The following AURKB variants were observed in gnomAD, a reference collection of about 807,000 sequenced individuals.
AURKB encodes the protein aurora kinase B-Sv1.
AURKB carries 28 observed loss-of-function variants against 36.5 expected under a neutral mutation model. The ratio of observed to expected loss-of-function variants is 0.77; its 90% confidence interval spans 0.57 to 1.05. The LOEUF is 1.05. Ranked by LOEUF, AURKB falls within the 50% of genes least tolerant of loss-of-function variation. The pLI is 0.00. For synonymous variants in AURKB, 175 were observed against 172.9 expected (o/e 1.01, Z -0.09); for missense variants, 383 against 447.4 (o/e 0.86, Z 1.30).
At chr17:8,205,641 T>C (rs185996255) in intron 7 of AURKB, among the ~76,000 whole-genome samples, 25 of 152,302 alleles carry the variant, frequency 1.6e-4, no homozygotes, top group African/African-American at 5.3e-4. Flanking sequence ...ATGAGGGCAG[T>C]GTTCATTTGG....
rs879101563 is a variant in AURKB at position 8,206,397 on chromosome 17, C to T, written c.686+94G>A. 1.4e-4 allele frequency: 210 copies of T among 1,504,080 alleles called. 1 individual carries two copies. The South Asian group carries it at 1.8e-3, about 13-fold the overall frequency. 93.2% of individuals were successfully genotyped at this position (1,504,080 alleles called of 1,614,324 possible). On this transcript the variant is annotated intron_variant, in intron 7 of 8. Coordinates refer to ENST00000585124, the MANE Select transcript of AURKB (RefSeq NM_004217.4). This position sits in a 1 kb window ranked among gnomAD's most constrained non-coding sequence, Gnocchi z 4.2. ...CCGCCCTCCTCGGCCTCCCAAAGTG[C>T]TGGGATTACAGGTGTGAGCCACGGT... is the stretch of plus-strand genomic sequence containing the variant.
rs1480584964 is a variant in AURKB at position 8,206,110 on chromosome 17, A to G, written c.686+381T>C. 6.8e-6 allele frequency among the ~76,000 whole-genome samples: 1 copy of G among 147,954 alleles called. No individual in the cohort carries two copies. Among genetic ancestry groups the G allele is most frequent in the Non-Finnish European group, 1.5e-5 (1 of 67,280 alleles). ...GGATCAAACCTGCGACCTTGGGGTT[A>G]TTAGCACCACACTCTAACCATTTTT... On this transcript the variant is annotated intron_variant, in intron 7 of 8. Coordinates refer to ENST00000585124, the MANE Select transcript of AURKB (RefSeq NM_004217.4). This position sits in a 1 kb window ranked among gnomAD's most constrained non-coding sequence, Gnocchi z 4.2.
At position 8,207,840 on chromosome 17, in the gene AURKB, C is replaced by G; in HGVS notation, c.49G>C (p.Ala17Pro). The change falls in exon 3 of 9, where the codon GCT becomes CCT. Residue 17 changes from alanine (A) to proline (P), a missense_variant and splice_region_variant. Around this residue, in one of 3 missense-constraint regions of AURKB, gnomAD observed 105 missense variants for 95.7 expected, o/e 1.10. Transcript: ENST00000585124. ...GGCAGGGTGCTCAGGCCAGATGGAG[C>G]CTGAGAAGGAGCAGGGGGTAGCTCT... is the stretch of plus-strand genomic sequence containing the variant. ...SYPWPYGRQT[A>P]PSGLSTLPQR... 1 of 1,610,908 alleles carries G rather than the reference C, an allele frequency of 6.2e-7. No homozygotes were observed. The highest frequency in any genetic ancestry group is 1.3e-5 in the African/African-American group (1 of 74,920).
rs554341452 is a variant in AURKB, at chr17:8,206,477, C to T, written c.686+14G>A. The T allele has an allele frequency of 6.2e-7, 1 of 1,613,978 alleles. No homozygotes were observed. The highest frequency in any genetic ancestry group is 1.1e-5 in the South Asian group (1 of 91,068). ...CAGCCTCACACCCAGGTCTGGCCTC[C>T]CAGGCCACCATACCTCAGGGAGGGC... On this transcript the variant is annotated intron_variant, in intron 7 of 8. Coordinates refer to ENST00000585124, the MANE Select transcript of AURKB (RefSeq NM_004217.4). This position sits in a 1 kb window ranked among gnomAD's most constrained non-coding sequence, Gnocchi z 4.2.
intron 2 of AURKB, 46 bp from the exon 3 acceptor site, chr17:8,207,886 A>T (rs1470037591): frequency 6.7e-7 from 1 of 1,489,812 alleles, no homozygotes; most frequent in Admixed American, 2.1e-5. Context: ...TTGTCTGATG[A>T]CCGGGGTGGA....
In AURKB at chr17:8,206,862, T is replaced by C. The variant is rs1482688018; in HGVS notation, c.425A>G (p.Asn142Ser). ...GATCCTCCTCCGGTCATAAAAATAG[T>C]TGTAGAGACGCAGGATGTTGGGATG... ...LHHPNILRLY[N>S]YFYDRRRIYL... Residue 142 changes from asparagine (N) to serine (S), a missense_variant, in exon 6 of 9, where the codon AAC (asparagine) becomes AGC (serine). Asn to Ser is a conservative substitution (Grantham distance 46). Transcript: ENST00000585124. This position sits in a 1 kb window ranked among gnomAD's most constrained non-coding sequence, Gnocchi z 4.2. 6 of 1,614,156 alleles carry C rather than the reference T, an allele frequency of 3.7e-6. No individual in the cohort carries two copies. The highest frequency in any genetic ancestry group is 5.1e-6 in the Non-Finnish European group (6 of 1,180,034).
Position 8,206,503 on chromosome 17 carries a change from G to A in AURKB, c.674C>T (p.Ala225Val), listed in dbSNP as rs766373871. 4 of 1,614,108 alleles carry A rather than the reference G, an allele frequency of 2.5e-6. No individual in the cohort carries two copies. The highest frequency in any genetic ancestry group is 1.7e-5 in the Admixed American group (1 of 60,018). ...KIADFGWSVH[A>V]PSLRRKTMCG... Reference sequence around the variant, plus strand: ...CAGGCCACCATACCTCAGGGAGGGCGCATGCACAGACCAGCCGAAGTCAGC... The same window carrying A: ...CAGGCCACCATACCTCAGGGAGGGCACATGCACAGACCAGCCGAAGTCAGC... Residue 225 changes from alanine to valine, a missense_variant, in exon 7 of 9, where the codon GCG becomes GTG. Ala to Val is a moderately conservative substitution (Grantham distance 64). Transcript: ENST00000585124. This position sits in a 1 kb window ranked among gnomAD's most constrained non-coding sequence, Gnocchi z 4.2.
Position 8,210,185 on chromosome 17 carries a change from G to T in AURKB, c.40C>A (p.Arg14=). Residue 14 remains arginine, a synonymous_variant, in exon 2 of 9, where the codon CGA becomes AGA. Coordinates refer to ENST00000585124, the MANE Select transcript of AURKB (RefSeq NM_004217.4). The stretch of plus-strand genomic sequence containing the variant: ...GGAGGGAAGGGCCTTACCGTCTGTC[G>T]GCCGTAGGGCCAGGGGTAGGAGTTC... The part of the protein sequence containing the change: ...KENSYPWPYG[R]QTAPSGLSTL... 6.2e-7 allele frequency: 1 copy of T among 1,612,332 alleles called. No homozygotes were observed. Among genetic ancestry groups the T allele is most frequent in the East Asian group, 2.2e-5 (1 of 44,844 alleles).
chr17:8,207,277 G>C lies in AURKB; in HGVS notation c.297C>G (p.Ser99Arg), dbSNP rs756093765. 13 of 1,614,002 alleles carry C rather than the reference G, an allele frequency of 8.1e-6. No homozygotes were observed. The highest frequency in any genetic ancestry group is 8.5e-7 in the Non-Finnish European group (1 of 1,180,028). ...GNVYLAREKK[S>R]HFIVALKVLF... is the part of the protein sequence containing the mutation. ...GGACCTTGAGCGCCACGATGAAATG[G>C]CTTTTCTTCTCCCGAGCCAAGTACA... Residue 99 changes from serine to arginine, a missense_variant, in exon 5 of 9, where the codon AGC (serine) becomes AGG (arginine). Coordinates refer to ENST00000585124, the MANE Select transcript of AURKB (RefSeq NM_004217.4).
chr17:8,207,772 A>G lies in AURKB; in HGVS notation c.117T>C (p.Leu39=), dbSNP rs2151474954. 6.2e-7 allele frequency: 1 copy of G among 1,614,132 alleles called. No individual in the cohort carries two copies. The highest frequency in any genetic ancestry group is 8.5e-7 in the Non-Finnish European group (1 of 1,180,018). ...LRKEPVTPSA[L]VLMSRSNVQP... ...GGACATTGGAGCGGCTCATGAGGAC[A>G]AGTGCAGATGGGGTGACAGGCTCTT... is the stretch of plus-strand genomic sequence containing the variant. The change falls in exon 3 of 9, where the codon CTT becomes CTC. Residue 39 remains leucine, a synonymous_variant. Coordinates refer to ENST00000585124, the MANE Select transcript of AURKB (RefSeq NM_004217.4).
rs1207114266 is a variant in AURKB at position 8,210,169 on chromosome 17, G to T, written c.48+8C>A. 6.2e-7 allele frequency: 1 copy of T among 1,612,900 alleles called. No individual in the cohort carries two copies. Among genetic ancestry groups the T allele is most frequent in the East Asian group, 2.2e-5 (1 of 44,868 alleles). On this transcript the variant is annotated splice_region_variant and intron_variant, in intron 2 of 8. Coordinates refer to ENST00000585124, the MANE Select transcript of AURKB (RefSeq NM_004217.4). ...ATGGGGGCGCAGGGACGGAGGGAAG[G>T]GCCTTACCGTCTGTCGGCCGTAGGG...
chr17:8,206,073 T>C lies in AURKB; in HGVS notation c.686+418A>G, dbSNP rs571246588. On this transcript the variant is annotated intron_variant, in intron 7 of 8. Coordinates refer to ENST00000585124, the MANE Select transcript of AURKB (RefSeq NM_004217.4). The surrounding 1 kb of genome is among the most constrained non-coding windows in gnomAD (Gnocchi z 4.2). ...CCGCGCCTGGCCAAAGTTTTACCATTGGCCCCTACAGGGATCAAACCTGCG... is the reference window on the plus strand; with the variant it reads ...CCGCGCCTGGCCAAAGTTTTACCATCGGCCCCTACAGGGATCAAACCTGCG... 1.4e-4 allele frequency among the ~76,000 whole-genome samples: 21 copies of C among 151,378 alleles called. 1 individual carries two copies. The highest frequency in any genetic ancestry group is 1.3e-3 in the Admixed American group (20 of 15,214).
rs1403376736 is a variant in AURKB at position 8,206,958 on chromosome 17, C to T, written c.399-70G>A. ...AGCTGGAAAAGATGATAGGAGCAAACTGGGGTCAGACGTGGCCCAGGCCGG... is the reference window on the plus strand; with the variant it reads ...AGCTGGAAAAGATGATAGGAGCAAATTGGGGTCAGACGTGGCCCAGGCCGG... On this transcript the variant is annotated intron_variant, in intron 5 of 8. Coordinates refer to ENST00000585124, the MANE Select transcript of AURKB (RefSeq NM_004217.4). The surrounding 1 kb of genome is among the most constrained non-coding windows in gnomAD (Gnocchi z 4.2). The T allele has an allele frequency of 6.2e-7, 1 of 1,607,392 alleles. No individual in the cohort carries two copies. Among genetic ancestry groups the T allele is most frequent in the South Asian group, 1.1e-5 (1 of 90,630 alleles).
chr17:8,206,561 G>C lies in AURKB; in HGVS notation c.616C>G (p.Leu206Val). The C allele has an allele frequency of 7.4e-6, 12 of 1,614,224 alleles. No homozygotes were observed. Among genetic ancestry groups the C allele is most frequent in the Non-Finnish European group, 1.0e-5 (12 of 1,180,048 alleles). ...AGCTCTCCCTTGAGCCCTAAGAGCAGATTTTCTGGCTTTATGTCTCTGTGA... is the reference window on the plus strand; with the variant it reads ...AGCTCTCCCTTGAGCCCTAAGAGCACATTTTCTGGCTTTATGTCTCTGTGA... ...VIHRDIKPENLLLGLKGELKI... is the reference protein window; with the variant it reads ...VIHRDIKPENVLLGLKGELKI... The change falls in exon 7 of 9, where the codon CTG (leucine) becomes GTG (valine). Residue 206 changes from leucine to valine, a missense_variant. Leu to Val is a conservative substitution (Grantham distance 32, BLOSUM62 1). Coordinates refer to ENST00000585124, the MANE Select transcript of AURKB (RefSeq NM_004217.4). This position sits in a 1 kb window ranked among gnomAD's most constrained non-coding sequence, Gnocchi z 4.2.
rs1364801008 is a variant in AURKB at position 8,206,471 on chromosome 17, G to C, written c.686+20C>G. 1 of 1,613,680 alleles carries C rather than the reference G, an allele frequency of 6.2e-7. No homozygotes were observed. The highest frequency in any genetic ancestry group is 8.5e-7 in the Non-Finnish European group (1 of 1,179,912). On this transcript the variant is annotated intron_variant, in intron 7 of 8. Coordinates refer to ENST00000585124, the MANE Select transcript of AURKB (RefSeq NM_004217.4). This position sits in a 1 kb window ranked among gnomAD's most constrained non-coding sequence, Gnocchi z 4.2. The stretch of plus-strand genomic sequence containing the variant: ...ATGGCCCAGCCTCACACCCAGGTCT[G>C]GCCTCCCAGGCCACCATACCTCAGG...
chr17:8,210,368 C>G, intron 1 of AURKB, 119 bp from the exon 2 acceptor site: 1 of 737,194 alleles, frequency 1.4e-6, no homozygotes, highest in Non-Finnish European at 2.3e-6. Flanking sequence ...GGTCAGCACA[C>G]TAGCCCCAAT....
rs1985055077 is a variant in AURKB at position 8,205,151 on chromosome 17, G to A, written c.861+65C>T. 1.2e-5 allele frequency: 19 copies of A among 1,554,970 alleles called. No homozygotes were observed. In the South Asian group the frequency reaches 2.2e-4, roughly 18 times the overall value. ...ACTTAGGGCCATGCAAATACACTCT[G>A]CCCACCCCCAGCCCCCCAGCTCCTG... is the stretch of plus-strand genomic sequence containing the variant. On this transcript the variant is annotated intron_variant, in intron 8 of 8. Transcript: ENST00000585124.
In AURKB at chr17:8,210,199, G is replaced by A. The variant is rs148452780; in HGVS notation, c.26C>T (p.Pro9Leu). The change falls in exon 2 of 9, where the codon CCC becomes CTC. Residue 9 changes from proline to leucine, a missense_variant. Physicochemically the swap from Pro to Leu is moderately conservative, Grantham distance 98. Transcript: ENST00000585124. ...TACCGTCTGTCGGCCGTAGGGCCAG[G>A]GGTAGGAGTTCTCCTTCTGGGCCAT... MAQKENSY[P>L]WPYGRQTAPS... 6.8e-5 allele frequency: 110 copies of A among 1,611,728 alleles called. No individual in the cohort carries two copies. The South Asian group carries it at 8.9e-4, about 13-fold the overall frequency.
Position 8,206,847 on chromosome 17 carries a change from C to T in AURKB, c.440G>A (p.Arg147Gln), listed in dbSNP as rs774454455. ...CTCTAGAATCAAGTAGATCCTCCTC[C>T]GGTCATAAAAATAGTTGTAGAGACG... ...ILRLYNYFYDRRRIYLILEYA... is the reference protein window; with the variant it reads ...ILRLYNYFYDQRRIYLILEYA... The change falls in exon 6 of 9, where the codon CGG becomes CAG. Residue 147 changes from arginine (R) to glutamine (Q), a missense_variant. Physicochemically the swap from Arg to Gln is conservative, Grantham distance 43. This residue lies in a region of AURKB where 59 missense variants were observed against 99.0 expected (regional missense o/e 0.60). Transcript: ENST00000585124. The surrounding 1 kb of genome is among the most constrained non-coding windows in gnomAD (Gnocchi z 4.2). 1.2e-5 allele frequency: 20 copies of T among 1,614,076 alleles called. No individual in the cohort carries two copies. Among genetic ancestry groups the T allele is most frequent in the South Asian group, 9.9e-5 (9 of 91,084 alleles).
Sources: allele counts gnomAD v4.1 joint callset (sites outside exome capture counted in the v4.1 genomes callset), GRCh38; gene constraint gnomAD v4.1.1; regional missense constraint gnomAD v4.1.1; non-coding constraint Gnocchi (gnomAD v3.1); transcripts MANE v1.5; gene names NCBI Gene and HGNC (gene_info 2026-07-23, HGNC 2026-07-21).